Variants in KSR2 observed in about 807,000 individuals in gnomAD.
KSR2 encodes the protein kinase suppressor of ras 2.
In KSR2, 25 loss-of-function variants were observed where a neutral mutation model predicts 107.8. The ratio of observed to expected loss-of-function variants is 0.23; its 90% CI spans 0.17 to 0.32. The LOEUF (loss-of-function observed/expected upper bound fraction) is 0.32, where lower values mean the gene tolerates loss of function less well. Among genes scored for constraint, KSR2 ranks in the 10% least tolerant of loss-of-function variants. The pLI, the probability that KSR2 is intolerant of heterozygous loss-of-function variation, is 1.00. For missense variants in KSR2, 887 were observed against 1,268.9 expected, an observed-to-expected ratio of 0.70 and a Z score of 4.57; for synonymous variants, 480 against 507.0, an observed-to-expected ratio of 0.95 and a Z score of 0.71.
chr12:117,565,117 C>T (rs1192749445), intron 7 of KSR2, among the ~76,000 whole-genome samples: 1 of 152,156 alleles, frequency 6.6e-6, no homozygotes, highest in Non-Finnish European at 1.5e-5. Context: ...AGTCATAAGC[C>T]TAGAGCCTGG....
chr12:117,864,676 C>T (rs1361452351), intron 1 of KSR2, among the ~76,000 whole-genome samples: 2 of 152,228 alleles, frequency 1.3e-5, no homozygotes, highest in African/African-American at 4.8e-5. Flanking sequence ...GGCCCTGCTA[C>T]AGGCCCCTCT....
At chr12:117,795,295 C>T (rs532148574) in intron 3 of KSR2, among the ~76,000 whole-genome samples, 9 of 152,256 alleles carry the variant, frequency 5.9e-5, no homozygotes, top group African/African-American at 2.2e-4. Flanking sequence ...TAGAAATAGA[C>T]GAAATCCAAC....
chr12:117,468,683 C>T (rs1871273255), intron 19 of KSR2, among the ~76,000 whole-genome samples: 1 of 152,062 alleles, frequency 6.6e-6, no homozygotes, highest in Non-Finnish European at 1.5e-5. Context: ...GAGGGTAAGC[C>T]ATGGCAGTGC....
intron 1 of KSR2, among the ~76,000 whole-genome samples, chr12:117,914,787 T>C (rs961512460): frequency 1.3e-5 from 2 of 152,172 alleles, no homozygotes; most frequent in African/African-American, 2.4e-5. Flanking sequence ...CTGCCCACCT[T>C]GGCCTCCCAA....
rs1327874622 is a variant in KSR2, at chr12:117,461,503, C to T, written c.*5696G>A. 1 of 152,324 alleles carries T rather than the reference C, an allele frequency of 6.6e-6. No individual in the cohort carries two copies. The highest frequency in any genetic ancestry group is 1.5e-5 in the Non-Finnish European group (1 of 68,084). 9.4% of individuals were successfully genotyped at this position (152,324 alleles called of 1,614,324 possible). On this transcript the variant is annotated 3_prime_UTR_variant, in exon 20 of 20. Coordinates refer to ENST00000339824, the MANE Select transcript of KSR2 (RefSeq NM_173598.6). ...CTACTAAGACAAGTCCAGGAGGTCA[C>T]TGGGACCGCAGATTTTCCATCAACC...
At chr12:117,719,175 T>G (rs1483742553) in intron 4 of KSR2, among the ~76,000 whole-genome samples, 1 of 152,190 alleles carries the variant, frequency 6.6e-6, no homozygotes, top group South Asian at 2.1e-4. Context: ...AAAAATTCCA[T>G]GCTTCCACTT....
At chr12:117,847,857 T>C (rs954325691) in intron 3 of KSR2, among the ~76,000 whole-genome samples, 3 of 151,948 alleles carry the variant, frequency 2.0e-5, no homozygotes, top group African/African-American at 7.3e-5. Context: ...CCCCTCCTCT[T>C]CAGGTCTCAG....
At chr12:117,674,993 G>A (rs139472003) in intron 4 of KSR2, among the ~76,000 whole-genome samples, 1,825 of 152,180 alleles carry the variant, frequency 0.012, 38 homozygotes, top group African/African-American at 0.041. Flanking sequence ...TGCTGCCTGG[G>A]ACATTATTCC....
At chr12:117,497,195 T>C (rs935137080) in intron 14 of KSR2, among the ~76,000 whole-genome samples, 1 of 152,140 alleles carries the variant, frequency 6.6e-6, no homozygotes, top group Non-Finnish European at 1.5e-5. Context: ...TTTTCCTTAT[T>C]GTCACAATGA....
At chr12:117,779,572 C>T (rs535890503) in intron 3 of KSR2, among the ~76,000 whole-genome samples, 10 of 152,290 alleles carry the variant, frequency 6.6e-5, no homozygotes, top group African/African-American at 1.4e-4. Context: ...GTAATCCCCA[C>T]GTGTCAAGGG....
chr12:117,788,522 G>A (rs1890152781), intron 3 of KSR2, among the ~76,000 whole-genome samples: 2 of 151,894 alleles, frequency 1.3e-5, no homozygotes, highest in African/African-American at 4.8e-5. Context: ...TTTTTTTTGA[G>A]ACAGAGTCTC....
chr12:117,828,568 C>G (rs1417655553), intron 3 of KSR2, among the ~76,000 whole-genome samples: 1 of 152,226 alleles, frequency 6.6e-6, no homozygotes, highest in Non-Finnish European at 1.5e-5. Flanking sequence ...TAAGGAAGCA[C>G]AGATCACTAA....
At chr12:117,529,588 C>T (rs561570469) in intron 12 of KSR2, among the ~76,000 whole-genome samples, 18 of 152,166 alleles carry the variant, frequency 1.2e-4, no homozygotes, top group African/African-American at 4.3e-4. Flanking sequence ...GGATGCTATG[C>T]ACAAAGATGT....
intron 14 of KSR2, among the ~76,000 whole-genome samples, chr12:117,505,251 A>C (rs144685169): frequency 6.6e-6 from 1 of 152,162 alleles, no homozygotes; most frequent in Non-Finnish European, 1.5e-5. Context: ...CCCCTCACCA[A>C]CGTGGAAGCT....
At chr12:117,912,597 G>A (rs2137432459) in intron 1 of KSR2, among the ~76,000 whole-genome samples, 1 of 152,298 alleles carries the variant, frequency 6.6e-6, no homozygotes, top group East Asian at 1.9e-4. Context: ...TGAAAAGGAA[G>A]ATGCAAAGTA....
At chr12:117,632,919 T>C (rs934815719) in intron 5 of KSR2, among the ~76,000 whole-genome samples, 48 of 152,218 alleles carry the variant, frequency 3.2e-4, no homozygotes, top group African/African-American at 1.1e-3. Flanking sequence ...TGTACCACAT[T>C]TTCTGTATCC....
chr12:117,718,596 T>G lies in KSR2; in HGVS notation c.986+42415A>C, dbSNP rs116694122. On this transcript the variant is annotated intron_variant, in intron 4 of 19. Coordinates refer to ENST00000339824, the MANE Select transcript of KSR2 (RefSeq NM_173598.6). ...GTGGCTCAGGGGCAGATGGGGAAAC[T>G]GAGGCTCGCACATGCCCAGCTGGAA... Among the ~76,000 whole-genome samples, 268 of 152,274 alleles carry G rather than the reference T, an allele frequency of 1.8e-3. 1 individual carries two copies. The highest frequency in any genetic ancestry group is 6.2e-3 in the African/African-American group (257 of 41,558).
At chr12:117,648,979 T>C (rs576724200) in intron 5 of KSR2, among the ~76,000 whole-genome samples, 6 of 152,154 alleles carry the variant, frequency 3.9e-5, no homozygotes, top group African/African-American at 7.2e-5. Context: ...GCCTGTCTGT[T>C]TGCTGTCTTA....
At chr12:117,627,754 C>T (rs972409123) in intron 5 of KSR2, among the ~76,000 whole-genome samples, 1 of 152,192 alleles carries the variant, frequency 6.6e-6, no homozygotes, top group Non-Finnish European at 1.5e-5. Flanking sequence ...GCCTGCCTTG[C>T]TATGTTGGAG....
Sources: allele counts gnomAD v4.1 joint callset (sites outside exome capture counted in the v4.1 genomes callset), GRCh38; gene constraint gnomAD v4.1.1; transcripts MANE v1.5; gene names NCBI Gene and HGNC (gene_info 2026-07-23, HGNC 2026-07-21).